The following DNAI4 variants were observed in gnomAD, a reference collection of about 807,000 sequenced individuals.
DNAI4 encodes the protein dynein axonemal intermediate chain 4, also known as WD repeat domain 78.
DNAI4 carries 85 observed loss-of-function variants against 105.8 expected under a neutral mutation model. The ratio of observed to expected loss-of-function variants is 0.80; its 90% CI spans 0.67 to 0.96. DNAI4 has a LOEUF of 0.96. Ranked by LOEUF, DNAI4 falls within the 40% of genes least tolerant of loss-of-function variation. The probability of loss-of-function intolerance (pLI) is 0.00; values close to 1 mark genes in which losing one functional copy is unlikely to be tolerated. For missense variants in DNAI4, 1,014 were observed against 1,005.6 expected (o/e 1.01, Z -0.11); for synonymous variants, 352 against 331.5 (o/e 1.06, Z -0.67).
intron 1 of DNAI4, among the ~76,000 whole-genome samples, chr1:66,922,057 C>T (rs752346818): frequency 1.3e-5 from 2 of 152,018 alleles, no homozygotes; most frequent in Non-Finnish European, 2.9e-5. Context: ...GCCACCACGC[C>T]TGGCTCAATG....
intron 16 of DNAI4, among the ~76,000 whole-genome samples, chr1:66,814,770 T>C (rs1205999393): frequency 6.6e-6 from 1 of 152,188 alleles, no homozygotes; most frequent in East Asian, 1.9e-4. Context: ...GCCTAAACTT[T>C]CTTATTTATA....
rs764640180 is a variant in DNAI4, at chr1:66,862,323, G to C, written c.941-21C>G. On this transcript the variant is annotated intron_variant, in intron 6 of 16. Coordinates refer to ENST00000371026, the MANE Select transcript of DNAI4 (RefSeq NM_024763.5). ...TATGCCTAGATAAAGACACAGAAAG[G>C]TAAAAATTGTTTTAAACCAAATTCC... The C allele has an allele frequency of 1.9e-6, 3 of 1,593,270 alleles. No homozygotes were observed. In the South Asian group the frequency reaches 3.5e-5, roughly 18 times the overall value.
chr1:66,886,625 G>A (rs1265945760), intron 4 of DNAI4, among the ~76,000 whole-genome samples: 27 of 152,178 alleles, frequency 1.8e-4, no homozygotes, highest in Admixed American at 1.8e-3. Flanking sequence ...CTGCAATCCA[G>A]TATTGTTACT....
chr1:66,844,768 T>C lies in DNAI4; in HGVS notation c.1291+2716A>G, dbSNP rs376556822. On this transcript the variant is annotated intron_variant, in intron 8 of 16. Transcript: ENST00000371026. ...ATTAGATTTCGCAAAAATAAAAAAC[T>C]TCTGTTCATCAAAAAAATTTTAAGA... Among the ~76,000 whole-genome samples, 23 of 152,206 alleles carry C rather than the reference T, an allele frequency of 1.5e-4. No individual in the cohort carries two copies. The East Asian group carries it at 3.7e-3, about 24-fold the overall frequency.
intron 8 of DNAI4, among the ~76,000 whole-genome samples, chr1:66,844,055 T>G (rs1228061864): frequency 1.1e-5 from 1 of 93,210 alleles, no homozygotes; most frequent in Non-Finnish European, 2.1e-5. Flanking sequence ...CAACTCTTAT[T>G]TAAAATGGTG....
intron 15 of DNAI4, 91 bp downstream of exon 15, chr1:66,826,729 A>G: frequency 8.9e-7 from 1 of 1,124,274 alleles, no homozygotes; most frequent in Non-Finnish European, 1.3e-6. Context: ...TAAAGTAACT[A>G]CAATACCCTC....
chr1:66,887,475 A>AG (rs1164502943), intron 4 of DNAI4, among the ~76,000 whole-genome samples: 1 of 152,136 alleles, frequency 6.6e-6, no homozygotes, highest in Non-Finnish European at 1.5e-5. Context: ...TAGGTCTGGG[A>AG]GGGGGGAAGT....
chr1:66,848,324 T>A (rs74350972), intron 7 of DNAI4: 13 of 452,742 alleles, frequency 2.9e-5, no homozygotes, highest in South Asian at 1.6e-4. Flanking sequence ...GGAAAAGATC[T>A]TTTACTTTTT....
At chr1:66,847,757 T>A (rs1646309573) in intron 7 of DNAI4, 79 bp from the exon 8 acceptor site, 9 of 1,147,262 alleles carry the variant, frequency 7.8e-6, no homozygotes, top group East Asian at 2.5e-5. Flanking sequence ...AAAAATGACA[T>A]TTCATCATTT....
At chr1:66,821,816 G>GA (rs1645632721) in intron 16 of DNAI4, among the ~76,000 whole-genome samples, 1 of 151,798 alleles carries the variant, frequency 6.6e-6, no homozygotes, top group South Asian at 2.1e-4. Context: ...AAGAAATAGA[G>GA]AAAAAATGAA....
chr1:66,916,746 C>T (rs1463517696), intron 1 of DNAI4, among the ~76,000 whole-genome samples: 1 of 152,026 alleles, frequency 6.6e-6, no homozygotes, highest in South Asian at 2.1e-4. Flanking sequence ...CATTTGGAAG[C>T]TGTATTGCTT....
At chr1:66,902,723 G>T (rs1648925156) in intron 2 of DNAI4, among the ~76,000 whole-genome samples, 1 of 152,168 alleles carries the variant, frequency 6.6e-6, no homozygotes, top group African/African-American at 2.4e-5. Context: ...TTTTGCAGAT[G>T]GTATAAGGTA....
intron 16 of DNAI4, among the ~76,000 whole-genome samples, chr1:66,820,831 C>A (rs1183443029): frequency 6.6e-6 from 1 of 151,856 alleles, no homozygotes; most frequent in Non-Finnish European, 1.5e-5. Flanking sequence ...ACTTATTTAA[C>A]ATTTGTAGTC....
Position 66,813,994 on chromosome 1 carries a change from A to C in DNAI4, c.*136T>G. On this transcript the variant is annotated 3_prime_UTR_variant, in exon 17 of 17. Transcript: ENST00000371026. ...ATATCTCTGAAATAAAAGTTTATTA[A>C]ATTTAAATTAAGTGGAAGTTATACA... 3.5e-6 allele frequency: 2 copies of C among 567,826 alleles called. No individual in the cohort carries two copies. The highest frequency in any genetic ancestry group is 3.2e-5 in the South Asian group (1 of 30,958). The allele number at this position is 567,826 out of a possible 1,614,324, so 35.2% of individuals were successfully genotyped here. A position where few individuals can be genotyped will look rare whatever the true frequency, so the allele number is the denominator to read the frequency against.
intron 7 of DNAI4, among the ~76,000 whole-genome samples, chr1:66,849,582 G>A (rs1646353302): frequency 6.6e-6 from 1 of 152,112 alleles, no homozygotes; most frequent in Non-Finnish European, 1.5e-5. Flanking sequence ...CAACATCAAT[G>A]TTAGAATTAT....
At chr1:66,884,140 T>C (rs1289911485) in intron 4 of DNAI4, among the ~76,000 whole-genome samples, 1 of 152,216 alleles carries the variant, frequency 6.6e-6, no homozygotes, top group Non-Finnish European at 1.5e-5. Flanking sequence ...ATTATATCCA[T>C]GTTGTCACAA....
intron 7 of DNAI4, among the ~76,000 whole-genome samples, chr1:66,856,503 C>A (rs1016758557): frequency 4.0e-5 from 6 of 151,710 alleles, no homozygotes; most frequent in Admixed American, 2.6e-4. Context: ...AAAAAAAATT[C>A]TTATAAAATA....
intron 1 of DNAI4, chr1:66,921,458 T>G (rs1650470931): frequency 6.6e-6 from 1 of 152,204 alleles, no homozygotes; most frequent in Non-Finnish European, 1.5e-5. Context: ...GTTGTAAACT[T>G]GTCTGTGAAA....
intron 15 of DNAI4, among the ~76,000 whole-genome samples, chr1:66,826,093 T>C (rs1645746735): frequency 6.6e-6 from 1 of 152,208 alleles, no homozygotes; most frequent in Non-Finnish European, 1.5e-5. Context: ...CCTCTGAATA[T>C]TTTTGAAACA....
Sources: allele counts gnomAD v4.1 joint callset (sites outside exome capture counted in the v4.1 genomes callset), GRCh38; gene constraint gnomAD v4.1.1; transcripts MANE v1.5; gene names NCBI Gene and HGNC (gene_info 2026-07-23, HGNC 2026-07-21).